The following SRGAP3 variants were observed in gnomAD, a reference collection of about 807,000 sequenced individuals.
The protein encoded by SRGAP3 is SLIT-ROBO Rho GTPase-activating protein 3.
SRGAP3 carries 39 observed loss-of-function variants against 121.1 expected under a neutral mutation model. That is an observed-to-expected ratio of 0.32 (90% CI 0.25 to 0.42). The LOEUF is 0.42. Among genes scored for constraint, SRGAP3 ranks in the 10% least tolerant of loss-of-function variants. The pLI, the probability that SRGAP3 is intolerant of heterozygous loss-of-function variation, is 1.00. For missense variants in SRGAP3, 1,213 were observed against 1,470.6 expected (o/e 0.82, Z 2.86); for synonymous variants, 601 against 570.0 (o/e 1.05, Z -0.77).
In SRGAP3 at chr3:9,357,968, A is replaced by C. The variant is rs1040143377; in HGVS notation, n.214+4872T>G. Among the ~76,000 whole-genome samples, 35 of 151,510 alleles carry C rather than the reference A, an allele frequency of 2.3e-4. 1 individual carries two copies. Among genetic ancestry groups the C allele is most frequent in the African/African-American group, 8.3e-4 (34 of 41,174 alleles). On this transcript the variant is annotated intron_variant and non_coding_transcript_variant, in intron 1 of 3. Coordinates refer to the SRGAP3 transcript ENST00000490889. ...CGGCTCATTGCAACCTCTGCTTCCC[A>C]GGTTCAAATGATTCTCCTGCCTCAG...
rs189676508 is a variant in SRGAP3, at chr3:9,329,959, G to A, written n.283+569C>T. 1.5e-4 allele frequency among the ~76,000 whole-genome samples: 23 copies of A among 152,262 alleles called. No individual in the cohort carries two copies. In the East Asian group the frequency reaches 2.7e-3, roughly 18 times the overall value. On this transcript the variant is annotated intron_variant and non_coding_transcript_variant, in intron 2 of 3. Transcript: ENST00000490889. ...TTACCAAGAGCCCTCATTTTTAAAA[G>A]TACTTCAATGCATTATTGTTCATTT...
At position 8,985,342 on chromosome 3, in the gene SRGAP3, A is replaced by G. The variant is rs1941621171; in HGVS notation, c.*177T>C. ...CACGCGAGAGGTCCGTGGGATTCCC[A>G]TGGCTGGACGTGAGCTGCAGCCAGC... On this transcript the variant is annotated 3_prime_UTR_variant, in exon 22 of 22. Transcript: ENST00000383836. This position sits in a 1 kb window ranked among gnomAD's most constrained non-coding sequence, Gnocchi z 5.1. 2.2e-5 allele frequency: 30 copies of G among 1,353,868 alleles called. No homozygotes were observed. Among genetic ancestry groups the G allele is most frequent in the Non-Finnish European group, 2.9e-5 (30 of 1,033,794 alleles). The allele number at this position is 1,353,868 out of a possible 1,614,324, so 83.9% of individuals were successfully genotyped here.
At chr3:9,152,198 T>C (rs1391455299) in intron 1 of SRGAP3, among the ~76,000 whole-genome samples, 1 of 152,216 alleles carries the variant, frequency 6.6e-6, no homozygotes, top group African/African-American at 2.4e-5. Context: ...TAAATCCTTA[T>C]TAAATGTCCC....
intron 11 of SRGAP3, chr3:9,035,177 G>A (rs925798953): frequency 6.6e-6 from 1 of 152,220 alleles, no homozygotes; most frequent in East Asian, 1.9e-4. Context: ...TAAATTATCT[G>A]TTAAATTCTC....
At chr3:9,060,387 A>G (rs372423323) in intron 5 of SRGAP3, 28 bp from the exon 6 acceptor site, 17 of 1,607,278 alleles carry the variant, frequency 1.1e-5, no homozygotes, top group Non-Finnish European at 1.4e-5. Context: ...TAGATGTAAG[A>G]GCAAGCCATT....
chr3:9,258,510 T>C (rs1266339220), intron 3 of SRGAP3, among the ~76,000 whole-genome samples: 1 of 152,102 alleles, frequency 6.6e-6, no homozygotes, highest in East Asian at 1.9e-4. Context: ...TTGAGGAAGG[T>C]GACTCTAGTG....
intron 3 of SRGAP3, among the ~76,000 whole-genome samples, chr3:9,308,190 T>C (rs1384238011): frequency 6.6e-6 from 1 of 152,142 alleles, no homozygotes; most frequent in Middle Eastern, 3.2e-3. Flanking sequence ...ATTTGTTGCA[T>C]GTGTGCACGT....
intron 1 of SRGAP3, chr3:9,349,340 T>C (rs2029935518): frequency 1.0e-5 from 4 of 395,980 alleles, no homozygotes; most frequent in African/African-American, 2.1e-5. Flanking sequence ...CCCATTTTCA[T>C]TTTAGCCATT....
At chr3:9,084,049 T>C (rs772340219) in intron 3 of SRGAP3, among the ~76,000 whole-genome samples, 1 of 152,198 alleles carries the variant, frequency 6.6e-6, no homozygotes, top group Non-Finnish European at 1.5e-5. Flanking sequence ...CGATAGTATC[T>C]TCCTGGGCTT....
intron 3 of SRGAP3, among the ~76,000 whole-genome samples, chr3:9,273,507 A>G (rs964892163): frequency 5.9e-5 from 9 of 152,274 alleles, no homozygotes; most frequent in Non-Finnish European, 8.8e-5. Context: ...AACCCCTCTC[A>G]GACATAAGAT....
At chr3:9,126,175 G>C (rs575379072) in intron 1 of SRGAP3, among the ~76,000 whole-genome samples, 100 of 152,282 alleles carry the variant, frequency 6.6e-4, no homozygotes, top group African/African-American at 2.3e-3. Flanking sequence ...ACGTGCCTCA[G>C]TCTAGATGCA....
At chr3:9,131,433 CTTTTTTTT>C (rs869155697) in intron 1 of SRGAP3, among the ~76,000 whole-genome samples, 2 of 90,216 alleles carry the variant, frequency 2.2e-5, no homozygotes, top group African/African-American at 8.7e-5. Context: ...AGATCTAATT[CTTTTTTTT>C]TTTTTTTTTT....
intron 1 of SRGAP3, among the ~76,000 whole-genome samples, chr3:9,192,110 T>A (rs560070500): frequency 6.6e-6 from 1 of 152,174 alleles, no homozygotes; most frequent in Non-Finnish European, 1.5e-5. Flanking sequence ...CTGGAGAGAA[T>A]CGTGGATGTG....
chr3:9,011,923 C>T (rs1229477144), intron 17 of SRGAP3, among the ~76,000 whole-genome samples: 1 of 152,190 alleles, frequency 6.6e-6, no homozygotes, highest in Non-Finnish European at 1.5e-5. Context: ...TTGATAAGTA[C>T]ACGAAGATCT....
intron 1 of SRGAP3, among the ~76,000 whole-genome samples, chr3:9,154,447 A>C (rs1575155620): frequency 2.1e-5 from 3 of 143,596 alleles, no homozygotes; most frequent in Non-Finnish European, 3.0e-5. Flanking sequence ...GCTCAGCCCC[A>C]CCCCCCATCA....
intron 1 of SRGAP3, among the ~76,000 whole-genome samples, chr3:9,127,088 G>A (rs192996932): frequency 2.6e-5 from 4 of 152,268 alleles, no homozygotes; most frequent in East Asian, 1.9e-4. Context: ...TTGAGAGGCT[G>A]AGGCAGGAGA....
intron 1 of SRGAP3, chr3:9,348,604 G>A (rs1955949772): frequency 2.1e-6 from 2 of 947,050 alleles, no homozygotes; most frequent in South Asian, 2.6e-5. Context: ...TTTGACATCT[G>A]CTTCACCTCA....
chr3:9,272,590 C>G (rs1031415714), intron 3 of SRGAP3, among the ~76,000 whole-genome samples: 1 of 152,114 alleles, frequency 6.6e-6, no homozygotes, highest in Non-Finnish European at 1.5e-5. Flanking sequence ...AGTTTCCTTC[C>G]TCTTTAAGGA....
Position 9,081,279 on chromosome 3 carries a change from C to T in SRGAP3, c.424-1192G>A, listed in dbSNP as rs1392519336. 2.8e-5 allele frequency: 13 copies of T among 456,550 alleles called. No homozygotes were observed. The East Asian group carries it at 7.6e-4, about 27-fold the overall frequency. The allele number at this position is 456,550 out of a possible 1,614,324, so 28.3% of individuals were successfully genotyped here. A position where few individuals can be genotyped will look rare whatever the true frequency, so the allele number is the denominator to read the frequency against. ...ACCATTGCCTAGATCCTGACACAGT[C>T]GCAAGTCCACACTCTCAAGATGTCT... On this transcript the variant is annotated intron_variant, in intron 3 of 21. Transcript: ENST00000383836.
Sources: allele counts gnomAD v4.1 joint callset (sites outside exome capture counted in the v4.1 genomes callset), GRCh38; gene constraint gnomAD v4.1.1; non-coding constraint Gnocchi (gnomAD v3.1); transcripts MANE v1.5; gene names NCBI Gene and HGNC (gene_info 2026-07-23, HGNC 2026-07-21).